KAZN: variants seen among roughly 807,000 people sequenced by gnomAD.
KAZN encodes kazrin.
KAZN carries 40 observed loss-of-function variants against 87.4 expected under a neutral mutation model. The ratio of observed to expected loss-of-function variants is 0.46; its 90% confidence interval spans 0.36 to 0.60. The LOEUF (loss-of-function observed/expected upper bound fraction) is 0.60. KAZN is among the 20% of genes least tolerant of loss of function. The probability of loss-of-function intolerance (pLI) is 0.00; values close to 1 mark genes in which losing one functional copy is unlikely to be tolerated. For missense variants in KAZN, 898 were observed against 1,073.9 expected (o/e 0.84, Z 2.29); for synonymous variants, 466 against 458.3 (o/e 1.02, Z -0.22).
intron 2 of KAZN, among the ~76,000 whole-genome samples, chr1:14,254,282 A>G (rs1312719159): frequency 1.3e-5 from 2 of 152,198 alleles, no homozygotes; most frequent in Non-Finnish European, 2.9e-5. Context: ...TGCTAATACA[A>G]TGCACTTGGA....
chr1:14,026,376 A>G (rs911218155), intron 1 of KAZN, among the ~76,000 whole-genome samples: 1 of 152,166 alleles, frequency 6.6e-6, no homozygotes, highest in Non-Finnish European at 1.5e-5. Context: ...GCTTGAGATT[A>G]TAGAGTGGTA....
chr1:14,582,499 G>C (rs546218136), intron 2 of KAZN, among the ~76,000 whole-genome samples: 24 of 152,188 alleles, frequency 1.6e-4, no homozygotes, highest in African/African-American at 5.5e-4. Flanking sequence ...TGGCACTTTG[G>C]GTCAGTTGAT....
intron 1 of KAZN, among the ~76,000 whole-genome samples, chr1:14,942,264 T>C (rs1661184405): frequency 6.6e-6 from 1 of 152,112 alleles, no homozygotes; most frequent in Non-Finnish European, 1.5e-5. Flanking sequence ...CCACAAGTGA[T>C]CATGGCATTA....
At chr1:14,593,562 A>T (rs1199540405) in intron 2 of KAZN, among the ~76,000 whole-genome samples, 4 of 152,192 alleles carry the variant, frequency 2.6e-5, no homozygotes, top group African/African-American at 9.6e-5. Context: ...TTGTTTTGGA[A>T]ACCCCAGGAG....
chr1:14,085,192 A>G (rs1301796842), intron 1 of KAZN, among the ~76,000 whole-genome samples: 1 of 152,226 alleles, frequency 6.6e-6, no homozygotes, highest in Non-Finnish European at 1.5e-5. Flanking sequence ...TGTAGAAACT[A>G]TTTTGAACTC....
chr1:15,103,425 C>T lies in KAZN; in HGVS notation c.1846C>T (p.Arg616Trp). The T allele has an allele frequency of 6.4e-7, 1 of 1,551,600 alleles. No homozygotes were observed. Among genetic ancestry groups the T allele is most frequent in the Non-Finnish European group, 8.7e-7 (1 of 1,147,518 alleles). The stretch of plus-strand genomic sequence containing the variant: ...TGACCCCGTGGTGTGGACCAACCAG[C>T]GGGTGCTCAAGTGGGTTCGAGACAT... The part of the protein sequence containing the change: ...NIDPVVWTNQ[R>W]VLKWVRDIDL... The change falls in exon 12 of 15, where the codon CGG (arginine) becomes TGG (tryptophan). Residue 616 changes from arginine (R) to tryptophan (W), a missense_variant. Physicochemically the swap from Arg to Trp is moderately radical, Grantham distance 101. This residue lies in a region of KAZN where 521 missense variants were observed against 689.4 expected (regional missense o/e 0.76). Transcript: ENST00000376030.
chr1:14,549,613 C>CT (rs5772587), intron 2 of KAZN, among the ~76,000 whole-genome samples: 55,359 of 134,688 alleles, frequency 0.41, 11,891 homozygotes, highest in Middle Eastern at 0.5. Flanking sequence ...CAGGCAACCC[C>CT]TTTTTTTTTT....
At chr1:14,469,155 A>G (rs914008231) in intron 2 of KAZN, among the ~76,000 whole-genome samples, 3 of 152,172 alleles carry the variant, frequency 2.0e-5, no homozygotes, top group African/African-American at 7.2e-5. Flanking sequence ...AACCACTCAG[A>G]ATCTCAGCCA....
At chr1:14,175,524 G>A (rs1024910940) in intron 1 of KAZN, among the ~76,000 whole-genome samples, 1 of 152,214 alleles carries the variant, frequency 6.6e-6, no homozygotes. Context: ...AGAACAAAGC[G>A]AAACTTAGGG....
intron 2 of KAZN, among the ~76,000 whole-genome samples, chr1:14,312,773 A>G (rs116014733): frequency 6.6e-6 from 1 of 152,042 alleles, no homozygotes; most frequent in South Asian, 2.1e-4. Context: ...CTTGGCTTGC[A>G]TGCTGCCACA....
chr1:14,543,576 G>T (rs1672946013), intron 2 of KAZN, among the ~76,000 whole-genome samples: 1 of 152,112 alleles, frequency 6.6e-6, no homozygotes, highest in Admixed American at 6.5e-5. Context: ...CAGATGGAGG[G>T]GTCCCTTTAA....
chr1:14,358,413 C>G (rs983169450), intron 2 of KAZN, among the ~76,000 whole-genome samples: 6 of 147,208 alleles, frequency 4.1e-5, no homozygotes, highest in African/African-American at 1.5e-4. Flanking sequence ...TTTTTCGTGT[C>G]TCTATCTCCT....
intron 1 of KAZN, among the ~76,000 whole-genome samples, chr1:14,610,140 C>A (rs1677699230): frequency 1.3e-5 from 2 of 152,222 alleles, no homozygotes; most frequent in African/African-American, 4.8e-5. Flanking sequence ...ACACTAGATT[C>A]TTTCCTCATT....
chr1:14,043,585 T>C (rs1283871014), intron 1 of KAZN, among the ~76,000 whole-genome samples: 1 of 149,892 alleles, frequency 6.7e-6, no homozygotes, highest in Non-Finnish European at 1.5e-5. Flanking sequence ...AATTTCTCTA[T>C]ACCCTCTCCA....
intron 1 of KAZN, among the ~76,000 whole-genome samples, chr1:14,891,843 A>G (rs1654753815): frequency 6.6e-6 from 1 of 152,186 alleles, no homozygotes; most frequent in Non-Finnish European, 1.5e-5. Flanking sequence ...TTCTAAAATG[A>G]AAAAGAAATC....
intron 2 of KAZN, among the ~76,000 whole-genome samples, chr1:14,574,874 A>G (rs1221405296): frequency 6.6e-6 from 1 of 152,188 alleles, no homozygotes; most frequent in Non-Finnish European, 1.5e-5. Flanking sequence ...GAGCGCACAG[A>G]GCAGTGGCTG....
At chr1:14,686,875 G>A (rs1640985581) in intron 1 of KAZN, among the ~76,000 whole-genome samples, 1 of 152,270 alleles carries the variant, frequency 6.6e-6, no homozygotes, top group South Asian at 2.1e-4. Context: ...TTCAGAAAGA[G>A]GGAAAAGCCT....
intron 12 of KAZN, among the ~76,000 whole-genome samples, chr1:15,103,718 T>C (rs1030301913): frequency 1.3e-5 from 2 of 152,188 alleles, no homozygotes; most frequent in African/African-American, 4.8e-5. Flanking sequence ...CATGTCATGA[T>C]GCTTTGCTCA....
intron 2 of KAZN, among the ~76,000 whole-genome samples, chr1:14,504,516 A>G (rs1273697463): frequency 1.3e-5 from 2 of 152,216 alleles, no homozygotes; most frequent in African/African-American, 4.8e-5. Flanking sequence ...AAAGGAAGCC[A>G]GGAGAAGGTG....
Sources: allele counts gnomAD v4.1 joint callset (sites outside exome capture counted in the v4.1 genomes callset), GRCh38; gene constraint gnomAD v4.1.1; regional missense constraint gnomAD v4.1.1; transcripts MANE v1.5; gene names NCBI Gene and HGNC (gene_info 2026-07-23, HGNC 2026-07-21).